The following MDH1 variants were observed in gnomAD, a reference collection of about 807,000 sequenced individuals.
MDH1 encodes malate dehydrogenase, cytoplasmic.
In MDH1, 15 loss-of-function variants were observed where a neutral mutation model predicts 38.7. The observed-to-expected ratio is 0.39, with a 90% CI of 0.26 to 0.60. The LOEUF is 0.60. Ranked by LOEUF, MDH1 falls within the 20% of genes least tolerant of loss-of-function variation. The pLI, the probability that MDH1 is intolerant of heterozygous loss-of-function variation, is 0.56. For synonymous variants in MDH1, 144 were observed against 143.6 expected (o/e 1.00, Z -0.02); for missense variants, 368 against 405.2 (o/e 0.91, Z 0.79).
rs142480528 is a variant in MDH1, at chr2:63,604,244, A to G, written c.499-452A>G. 6.7e-3 allele frequency among the ~76,000 whole-genome samples: 1,015 copies of G among 152,360 alleles called. 13 individuals carry two copies. Among genetic ancestry groups the G allele is most frequent in the African/African-American group, 0.023 (969 of 41,590 alleles). ...ATTTGAAAATTAATTTCTATATGGT[A>G]TATAATAAAAATTTTACCTAAATAT... On this transcript the variant is annotated intron_variant, in intron 5 of 8. Coordinates refer to ENST00000233114, the MANE Select transcript of MDH1 (RefSeq NM_005917.4).
intron 5 of MDH1, among the ~76,000 whole-genome samples, chr2:63,603,245 C>T (rs990415663): frequency 2.0e-5 from 3 of 152,082 alleles, no homozygotes; most frequent in South Asian, 2.1e-4. Context: ...TGTGAGCCAC[C>T]GCGCCTGGCA....
At chr2:63,605,043 T>G (rs953632443) in intron 6 of MDH1, among the ~76,000 whole-genome samples, 171 bp downstream of exon 6, 13 of 152,102 alleles carry the variant, frequency 8.5e-5, no homozygotes, top group African/African-American at 2.4e-4. Context: ...GTGACAGCAG[T>G]TGAGATTTAT....
Position 63,605,940 on chromosome 2 carries a change from G to T in MDH1, c.791G>T (p.Gly264Val). The T allele has an allele frequency of 6.2e-7, 1 of 1,613,004 alleles. No homozygotes were observed. Among genetic ancestry groups the T allele is most frequent in the Non-Finnish European group, 8.5e-7 (1 of 1,178,958 alleles). Reference protein sequence around the residue: ...VRDIWFGTPEGEFVSMGVISD... With the variant: ...VRDIWFGTPEVEFVSMGVISD... ...TATGTGAAACATTGTTATTTTCAGGGAGAGTTTGTGTCCATGGGTGTTATC... is the reference window on the plus strand; with the variant it reads ...TATGTGAAACATTGTTATTTTCAGGTAGAGTTTGTGTCCATGGGTGTTATC... The change falls in exon 8 of 9, where the codon GGA becomes GTA. Residue 264 changes from glycine (G) to valine (V), a missense_variant and splice_region_variant. Transcript: ENST00000233114.
At position 63,605,999 on chromosome 2, in the gene MDH1, C is replaced by T; in HGVS notation, c.850C>T (p.Leu284=). The T allele has an allele frequency of 6.2e-7, 1 of 1,614,104 alleles. No homozygotes were observed. The highest frequency in any genetic ancestry group is 1.6e-4 in the Middle Eastern group (1 of 6,062). The part of the protein sequence containing the change: ...DGNSYGVPDD[L]LYSFPVVIKN... ...CAACTCCTATGGTGTTCCTGATGAT[C>T]TGCTCTACTCATTCCCTGTTGTAAT... The change falls in exon 8 of 9, where the codon CTG becomes TTG. Residue 284 remains leucine (L), a synonymous_variant. Coordinates refer to ENST00000233114, the MANE Select transcript of MDH1 (RefSeq NM_005917.4).
At chr2:63,597,599 A>G in intron 4 of MDH1, 25 bp downstream of exon 4, 2 of 1,334,552 alleles carry the variant, frequency 1.5e-6, no homozygotes, top group African/African-American at 1.5e-5. Flanking sequence ...ATTTTATGGG[A>G]TTTTTCATTA....
Position 63,593,587 on chromosome 2 carries a change from C to T in MDH1, c.4-901C>T, listed in dbSNP as rs1323651328. The stretch of plus-strand genomic sequence containing the variant: ...ACTTTAAGTAAAAAGAAACCAAACA[C>T]TTCTGGGCTTAGTCACATCAGTGGA... On this transcript the variant is annotated intron_variant, in intron 1 of 8. Transcript: ENST00000233114. The T allele has an allele frequency of 1.5e-5, 7 of 471,650 alleles. No homozygotes were observed. In the East Asian group the frequency reaches 4.2e-4, roughly 28 times the overall value. 29.2% of individuals were successfully genotyped at this position (471,650 alleles called of 1,614,324 possible). A position where few individuals can be genotyped will look rare whatever the true frequency, so the allele number is the denominator to read the frequency against.
chr2:63,597,877 ATATT>A, intron 4 of MDH1: 1 of 180,420 alleles, frequency 5.5e-6, no homozygotes, highest in East Asian at 1.4e-4. Context: ...CTGCGTGGGA[ATATT>A]TATTTAGACA....
intron 1 of MDH1, among the ~76,000 whole-genome samples, chr2:63,591,767 A>G (rs900404947): frequency 5.9e-5 from 9 of 152,226 alleles, no homozygotes; most frequent in Non-Finnish European, 1.2e-4. Context: ...CAGAAATGTA[A>G]ATAGAAAACC....
intron 8 of MDH1, among the ~76,000 whole-genome samples, 157 bp downstream of exon 8, chr2:63,606,185 CA>C (rs1315853387): frequency 6.6e-6 from 1 of 152,134 alleles, no homozygotes; most frequent in Non-Finnish European, 1.5e-5. Context: ...AGTTCAAGAC[CA>C]GCCGGGGCAA....
At position 63,594,358 on chromosome 2, in the gene MDH1, A is replaced by G. The variant is rs1709261351; in HGVS notation, c.4-130A>G. The G allele has an allele frequency of 1.1e-5, 9 of 783,118 alleles. No homozygotes were observed. In the South Asian group the frequency reaches 1.2e-4, roughly 11 times the overall value. The allele number at this position is 783,118 out of a possible 1,614,324, so 48.5% of individuals were successfully genotyped here. On this transcript the variant is annotated intron_variant, in intron 1 of 8. Coordinates refer to ENST00000233114, the MANE Select transcript of MDH1 (RefSeq NM_005917.4). ...CAGCACATTCATTTTCTACTGAGCC[A>G]GATGCAAAAGGACTTTAAAATTTTA...
chr2:63,604,645 G>A (rs1709492363), intron 5 of MDH1, 51 bp from the exon 6 acceptor site: 1 of 1,458,254 alleles, frequency 6.9e-7, no homozygotes, highest in Non-Finnish European at 9.4e-7. Flanking sequence ...GGTCCCAATT[G>A]GAAATAAAAA....
At chr2:63,600,380 G>C (rs1194872676) in intron 5 of MDH1, among the ~76,000 whole-genome samples, 1 of 152,148 alleles carries the variant, frequency 6.6e-6, no homozygotes, top group Non-Finnish European at 1.5e-5. Flanking sequence ...GAGTCATACA[G>C]CTCATAAATT....
intron 5 of MDH1, among the ~76,000 whole-genome samples, chr2:63,601,133 A>G (rs770720051): frequency 5.3e-5 from 8 of 152,086 alleles, no homozygotes; most frequent in Non-Finnish European, 7.4e-5. Flanking sequence ...GTTCTTTGTT[A>G]CTCCTGGGAC....
In MDH1 at chr2:63,604,780, G is replaced by A; in HGVS notation, c.583G>A (p.Val195Ile). 1 of 1,614,142 alleles carries A rather than the reference G, an allele frequency of 6.2e-7. No homozygotes were observed. Among genetic ancestry groups the A allele is most frequent in the Non-Finnish European group, 8.5e-7 (1 of 1,179,988 alleles). The change falls in exon 6 of 9, where the codon GTC (valine) becomes ATC (isoleucine). Residue 195 changes from valine to isoleucine, a missense_variant. Physicochemically the swap from Val to Ile is conservative, Grantham distance 29. Coordinates refer to ENST00000233114, the MANE Select transcript of MDH1 (RefSeq NM_005917.4). The part of the protein sequence containing the change: ...GNHSSTQYPD[V>I]NHAKVKLQGK... ...CCATTCCTCGACTCAGTATCCAGAT[G>A]TCAACCATGCCAAGGTGAAATTGCA... is the stretch of plus-strand genomic sequence containing the variant.
At chr2:63,606,129 C>A in intron 8 of MDH1, 101 bp downstream of exon 8, 1 of 1,145,772 alleles carries the variant, frequency 8.7e-7, no homozygotes, top group Non-Finnish European at 1.3e-6. Flanking sequence ...CGCCTATAAT[C>A]CCAACACTTT....
chr2:63,600,356 A>G (rs1256318915), intron 5 of MDH1, among the ~76,000 whole-genome samples: 1 of 152,222 alleles, frequency 6.6e-6, no homozygotes, highest in African/African-American at 2.4e-5. Flanking sequence ...CAGGGAAGTC[A>G]GAGAACCTGC....
intron 1 of MDH1, among the ~76,000 whole-genome samples, chr2:63,592,150 T>G (rs1312025485): frequency 6.6e-6 from 1 of 152,200 alleles, no homozygotes. Context: ...TAGTACCAAG[T>G]ACATGATAGG....
intron 5 of MDH1, among the ~76,000 whole-genome samples, chr2:63,602,604 T>C (rs1011499443): frequency 2.0e-5 from 3 of 152,140 alleles, no homozygotes; most frequent in Admixed American, 1.3e-4. Flanking sequence ...TAATTACAAG[T>C]GTAGATTCCT....
At chr2:63,604,539 C>A (rs551966316) in intron 5 of MDH1, among the ~76,000 whole-genome samples, 157 bp from the exon 6 acceptor site, 1 of 152,156 alleles carries the variant, frequency 6.6e-6, no homozygotes, top group Non-Finnish European at 1.5e-5. Context: ...AATTGCCAAG[C>A]AATAAATTTA....
Sources: allele counts gnomAD v4.1 joint callset (sites outside exome capture counted in the v4.1 genomes callset), GRCh38; gene constraint gnomAD v4.1.1; transcripts MANE v1.5; gene names NCBI Gene and HGNC (gene_info 2026-07-23, HGNC 2026-07-21).